KLF12: variants seen among roughly 807,000 people sequenced by gnomAD.
The protein encoded by KLF12 is Krueppel-like factor 12.
In KLF12, 9 loss-of-function variants were observed where a neutral mutation model predicts 37.8. That is an observed-to-expected ratio of 0.24 (90% CI 0.14 to 0.42). KLF12 has a LOEUF of 0.42. Among genes scored for constraint, KLF12 ranks in the 10% least tolerant of loss-of-function variants. KLF12 has a pLI of 1.00. For missense variants in KLF12, 411 were observed against 516.0 expected, an observed-to-expected ratio of 0.80 and a Z score of 1.97; for synonymous variants, 208 against 202.1, an observed-to-expected ratio of 1.03 and a Z score of -0.25.
chr13:73,851,348 G>A (rs1293584910), intron 3 of KLF12, among the ~76,000 whole-genome samples: 1 of 152,120 alleles, frequency 6.6e-6, no homozygotes, highest in African/African-American at 2.4e-5. Context: ...GTTACAAAAA[G>A]CTGAACAAGT....
At chr13:74,051,355 C>CACACAT (rs1218130937) in intron 1 of KLF12, among the ~76,000 whole-genome samples, 3 of 151,322 alleles carry the variant, frequency 2.0e-5, no homozygotes, top group African/African-American at 7.3e-5. Flanking sequence ...CACACACACA[C>CACACAT]ACACACACAC....
intron 1 of KLF12, among the ~76,000 whole-genome samples, chr13:74,042,042 G>A (rs1356259260): frequency 6.6e-6 from 1 of 152,024 alleles, no homozygotes; most frequent in Non-Finnish European, 1.5e-5. Context: ...AGTGGCTCAC[G>A]CCTGTAATCC....
Position 73,695,335 on chromosome 13 carries a change from C to A in KLF12, c.*155G>T. The A allele has an allele frequency of 1.4e-6, 1 of 710,600 alleles. No homozygotes were observed. The highest frequency in any genetic ancestry group is 2.3e-6 in the Non-Finnish European group (1 of 434,642). 44.0% of individuals were successfully genotyped at this position (710,600 alleles called of 1,614,324 possible). Reference sequence around the variant, plus strand: ...GTCATGATGGGGGTTACCTTCAGACCAAAAGAAGTGTGCCTTCTTTTTCCT... The same window carrying A: ...GTCATGATGGGGGTTACCTTCAGACAAAAAGAAGTGTGCCTTCTTTTTCCT... On this transcript the variant is annotated 3_prime_UTR_variant, in exon 8 of 8. Transcript: ENST00000377669.
At chr13:73,710,505 T>C (rs1027638940) in intron 7 of KLF12, among the ~76,000 whole-genome samples, 2 of 152,192 alleles carry the variant, frequency 1.3e-5, no homozygotes, top group Non-Finnish European at 2.9e-5. Context: ...CTTTGCATCT[T>C]TGTGTGATAC....
intron 1 of KLF12, among the ~76,000 whole-genome samples, chr13:74,040,343 C>G (rs1289543762): frequency 6.6e-6 from 1 of 152,154 alleles, no homozygotes; most frequent in Non-Finnish European, 1.5e-5. Context: ...AAAGTGTGCT[C>G]GTGCTGCTGG....
At chr13:74,049,847 T>G (rs1454141085) in intron 1 of KLF12, among the ~76,000 whole-genome samples, 1 of 152,184 alleles carries the variant, frequency 6.6e-6, no homozygotes, top group African/African-American at 2.4e-5. Context: ...GAAAGTAAGT[T>G]CTGCAATAGT....
intron 2 of KLF12, among the ~76,000 whole-genome samples, chr13:73,963,461 A>C (rs910573948): frequency 6.6e-6 from 1 of 152,084 alleles, no homozygotes; most frequent in African/African-American, 2.4e-5. Flanking sequence ...ACTAACCTTA[A>C]CTTTTCTATT....
At chr13:74,167,974 T>G in the KLF12 span, among the ~76,000 whole-genome samples, 1 of 152,238 alleles carries the variant, frequency 6.6e-6, no homozygotes, top group East Asian at 1.9e-4. Flanking sequence ...CTAAAATCCT[T>G]ATATTGTTCC....
At chr13:73,924,609 A>T (rs561099676) in intron 3 of KLF12, among the ~76,000 whole-genome samples, 4 of 152,200 alleles carry the variant, frequency 2.6e-5, no homozygotes, top group African/African-American at 9.6e-5. Context: ...TTAAGTATTG[A>T]AATTAGGCCA....
At chr13:73,852,742 A>C (rs1159867472) in intron 3 of KLF12, among the ~76,000 whole-genome samples, 2 of 152,000 alleles carry the variant, frequency 1.3e-5, no homozygotes, top group Non-Finnish European at 2.9e-5. Flanking sequence ...GTGCCACTGC[A>C]CTCCAGCCTG....
the KLF12 span, among the ~76,000 whole-genome samples, chr13:74,150,139 T>C: frequency 3.3e-5 from 5 of 151,960 alleles, no homozygotes; most frequent in African/African-American, 1.2e-4. Context: ...TTTTTTTTTC[T>C]ATTTCACTGA....
chr13:73,974,310 C>CAAAAAAAAAA (rs61516158), intron 2 of KLF12, among the ~76,000 whole-genome samples: 52 of 146,236 alleles, frequency 3.6e-4, no homozygotes, highest in African/African-American at 1.1e-3. Flanking sequence ...AACTTCAAGA[C>CAAAAAAAAAA]AAAAAAAAAA....
intron 7 of KLF12, among the ~76,000 whole-genome samples, chr13:73,713,003 T>G (rs1410758911): frequency 6.6e-6 from 1 of 152,178 alleles, no homozygotes; most frequent in African/African-American, 2.4e-5. Flanking sequence ...ATCTTTGAGG[T>G]ACGCCTGTAT....
the KLF12 span, among the ~76,000 whole-genome samples, chr13:74,301,511 G>A: frequency 0.53 from 80,494 of 152,066 alleles, 26,469 homozygotes; most frequent in Non-Finnish European, 0.74. Context: ...TATTTTCTTC[G>A]TGAGTTTTAT....
the KLF12 span, among the ~76,000 whole-genome samples, chr13:74,217,815 C>T: frequency 3.0e-4 from 46 of 152,330 alleles, 1 homozygote; most frequent in East Asian, 8.9e-3. Flanking sequence ...TTTCTCCTTA[C>T]AATGTATTCA....
At chr13:74,072,368 T>G (rs890546288) in intron 1 of KLF12, among the ~76,000 whole-genome samples, 2 of 46,710 alleles carry the variant, frequency 4.3e-5, no homozygotes, top group Non-Finnish European at 8.4e-5. Flanking sequence ...AATACAAATA[T>G]ATATATATAT....
intron 6 of KLF12, among the ~76,000 whole-genome samples, chr13:73,727,643 T>A (rs984421270): frequency 6.6e-6 from 1 of 152,184 alleles, no homozygotes; most frequent in African/African-American, 2.4e-5. Context: ...CCTCCCAATT[T>A]ATTCTCCCCC....
Position 74,128,357 on chromosome 13 carries a change from G to A in KLF12, c.-32+5382C>T, listed in dbSNP as rs561656257. Among the ~76,000 whole-genome samples, 149 of 151,952 alleles carry A rather than the reference G, an allele frequency of 9.8e-4. 1 individual carries two copies. The highest frequency in any genetic ancestry group is 3.4e-3 in the African/African-American group (143 of 41,528). ...AGGAAAGTTTATCCCTTTCAGGGGA[G>A]GGCAGTGTGGGGGCGGTGGAGGTAT... is the stretch of plus-strand genomic sequence containing the variant. On this transcript the variant is annotated intron_variant, in intron 1 of 7. Coordinates refer to ENST00000377669, the MANE Select transcript of KLF12 (RefSeq NM_007249.5).
rs1214479104 is a variant in KLF12 at position 73,686,764 on chromosome 13, T to C, written c.*8726A>G. 1 of 152,218 alleles carries C rather than the reference T, an allele frequency of 6.6e-6. No individual in the cohort carries two copies. Among genetic ancestry groups the C allele is most frequent in the Non-Finnish European group, 1.5e-5 (1 of 68,042 alleles). The allele number at this position is 152,218 out of a possible 1,614,324, so 9.4% of individuals were successfully genotyped here. A position where few individuals can be genotyped will look rare whatever the true frequency, so the allele number is the denominator to read the frequency against. ...GATGCAGCCCATCTATTCAATTTGC[T>C]GTTCAGAGGCTTCAAGCCTAGAATA... On this transcript the variant is annotated 3_prime_UTR_variant, in exon 8 of 8. Coordinates refer to ENST00000377669, the MANE Select transcript of KLF12 (RefSeq NM_007249.5).
Sources: gnomAD v4.1 joint callset for allele counts (sites outside exome capture counted in the v4.1 genomes callset) on GRCh38, gnomAD v4.1.1 for gene constraint, MANE v1.5 for transcripts, NCBI Gene and HGNC (gene_info 2026-07-23, HGNC 2026-07-21) for gene names.